Variants in USP49 observed in about 807,000 individuals in gnomAD.
The protein encoded by USP49 is ubiquitin carboxyl-terminal hydrolase 49.
A neutral mutation model predicts 58.6 loss-of-function variants in USP49; 24 were observed. That is an observed-to-expected ratio of 0.41 (90% CI 0.30 to 0.58). USP49 has a LOEUF of 0.58. USP49 is among the 20% of genes least tolerant of loss of function. The pLI is 0.30. For synonymous variants in USP49, 408 were observed against 365.1 expected (o/e 1.12, Z -1.34); for missense variants, 703 against 866.1 (o/e 0.81, Z 2.36).
At chr6:41,834,602 T>C (rs147321852) in intron 3 of USP49, among the ~76,000 whole-genome samples, 5 of 152,280 alleles carry the variant, frequency 3.3e-5, no homozygotes, top group African/African-American at 1.2e-4. Context: ...GTTCTTGTGA[T>C]AGTGTGTTCT....
chr6:41,893,341 G>A (rs1291094177), intron 1 of USP49, among the ~76,000 whole-genome samples: 2 of 152,140 alleles, frequency 1.3e-5, no homozygotes, highest in African/African-American at 4.8e-5. Context: ...CTCTCCCCCA[G>A]TAAACTTCCT....
chr6:41,893,521 C>G (rs1054804371), intron 1 of USP49, among the ~76,000 whole-genome samples: 4 of 152,166 alleles, frequency 2.6e-5, no homozygotes, highest in Admixed American at 2.0e-4. Flanking sequence ...TAAAACACAG[C>G]CCAGCACTTG....
At chr6:41,798,979 C>T (rs1443580706) in intron 6 of USP49, 50 bp from the exon 7 acceptor site, 32 of 1,587,068 alleles carry the variant, frequency 2.0e-5, no homozygotes, top group East Asian at 9.0e-5. Flanking sequence ...CATATATAAT[C>T]GTAGGTAGAG....
chr6:41,847,637 C>T (rs1324536732), intron 3 of USP49, among the ~76,000 whole-genome samples: 19 of 152,012 alleles, frequency 1.2e-4, no homozygotes, highest in Admixed American at 1.2e-3. Flanking sequence ...TCACTTGAAC[C>T]CAGGAGGCGG....
At chr6:41,854,327 A>AG (rs1378691730) in intron 3 of USP49, among the ~76,000 whole-genome samples, 4 of 151,646 alleles carry the variant, frequency 2.6e-5, no homozygotes, top group Non-Finnish European at 5.9e-5. Context: ...AAAAAAAAAA[A>AG]AAAAAAAAAG....
chr6:41,836,168 T>C (rs1168140155), intron 3 of USP49, among the ~76,000 whole-genome samples: 1 of 150,288 alleles, frequency 6.7e-6, no homozygotes, highest in Non-Finnish European at 1.5e-5. Flanking sequence ...AAGAAGGGGG[T>C]TTTTTGGCTC....
chr6:41,815,582 GTC>G (rs1250275481), intron 3 of USP49, among the ~76,000 whole-genome samples: 4 of 152,164 alleles, frequency 2.6e-5, no homozygotes, highest in African/African-American at 9.7e-5. Flanking sequence ...CAGTGCCATT[GTC>G]TCTGAATAGG....
intron 3 of USP49, among the ~76,000 whole-genome samples, chr6:41,817,191 C>G (rs1773369765): frequency 7.5e-6 from 1 of 133,498 alleles, no homozygotes; most frequent in African/African-American, 3.1e-5. Flanking sequence ...GCTCTGTCGC[C>G]AGGCTGGAGT....
chr6:41,797,922 C>T, intron 7 of USP49: 1 of 713,998 alleles, frequency 1.4e-6, no homozygotes, highest in Non-Finnish European at 1.7e-6. Flanking sequence ...GGCTAGAATG[C>T]AGTGGTGAAA....
intron 3 of USP49, among the ~76,000 whole-genome samples, chr6:41,849,712 A>G (rs889314883): frequency 1.3e-5 from 2 of 150,726 alleles, no homozygotes; most frequent in Non-Finnish European, 2.9e-5. Context: ...GGTTCAAGTG[A>G]TTCCCCTGCC....
chr6:41,873,416 G>C (rs1774450038), intron 2 of USP49, among the ~76,000 whole-genome samples: 1 of 152,210 alleles, frequency 6.6e-6, no homozygotes, highest in East Asian at 1.9e-4. Flanking sequence ...GTAGGTCCCA[G>C]GAGGCAGAAG....
chr6:41,847,364 C>T (rs1773941257), intron 3 of USP49, among the ~76,000 whole-genome samples: 1 of 152,080 alleles, frequency 6.6e-6, no homozygotes, highest in Non-Finnish European at 1.5e-5. Flanking sequence ...TTGAAAAATT[C>T]AATAACTGAA....
chr6:41,818,697 A>G lies in USP49; in HGVS notation c.-28-11686T>C, dbSNP rs28539150. ...GTCAGCTAACCCAACTTCCCTATGA[A>G]TCCCAACACATGAATGTTCCAACCA... On this transcript the variant is annotated intron_variant, in intron 3 of 7. Transcript: ENST00000682992. Among the ~76,000 whole-genome samples, 848 of 152,262 alleles carry G rather than the reference A, an allele frequency of 5.6e-3. 4 individuals carry two copies. Among genetic ancestry groups the G allele is most frequent in the Non-Finnish European group, 9.1e-3 (622 of 68,012 alleles).
chr6:41,850,195 C>CA (rs1336170731), intron 3 of USP49, among the ~76,000 whole-genome samples: 6 of 152,102 alleles, frequency 3.9e-5, no homozygotes, highest in African/African-American at 1.2e-4. Context: ...GTAATCTCAG[C>CA]ACTTTGGGAG....
Position 41,876,741 on chromosome 6 carries a change from T to C in USP49, c.-102-5104A>G, listed in dbSNP as rs543634885. On this transcript the variant is annotated intron_variant, in intron 2 of 7. Coordinates refer to ENST00000682992, the MANE Select transcript of USP49 (RefSeq NM_001286554.2). ...TCGAAGTTAAAACAGCCCAAATGCC[T>C]TGGAAGATACAAGGCAGAGGAAATT... Among the ~76,000 whole-genome samples, 15 of 152,224 alleles carry C rather than the reference T, an allele frequency of 9.9e-5. No individual in the cohort carries two copies. In the South Asian group the frequency reaches 2.7e-3, roughly 27 times the overall value.
Position 41,792,041 on chromosome 6 carries a change from G to A in USP49, c.*4492C>T, listed in dbSNP as rs535536407. The A allele has an allele frequency of 1.2e-4, 18 of 152,328 alleles. 1 individual carries two copies. The South Asian group carries it at 3.7e-3, about 32-fold the overall frequency. 9.4% of individuals were successfully genotyped at this position (152,328 alleles called of 1,614,324 possible). A position where few individuals can be genotyped will look rare whatever the true frequency, so the allele number is the denominator to read the frequency against. ...GGGAAACTTTTAAACACCATATGTT[G>A]AAGTTTCATGAGCTCAGTGGAAACC... is the stretch of plus-strand genomic sequence containing the variant. On this transcript the variant is annotated 3_prime_UTR_variant, in exon 8 of 8. Transcript: ENST00000682992.
At position 41,806,831 on chromosome 6, in the gene USP49, C is replaced by T. The variant is rs775919140; in HGVS notation, c.153G>A (p.Glu51=). ...CCTCAAAGTGTTTCAGGGCGTGGTC[C>T]TCAATATAGCGGCCGCAGGCCACGT... ...CSHVACGRYI[E]DHALKHFEET... is the part of the protein sequence containing the mutation. Residue 51 remains glutamate, a synonymous_variant, in exon 4 of 8, where the codon GAG becomes GAA. Coordinates refer to ENST00000682992, the MANE Select transcript of USP49 (RefSeq NM_001286554.2). This position sits in a 1 kb window ranked among gnomAD's most constrained non-coding sequence, Gnocchi z 5.9. The T allele has an allele frequency of 1.2e-5, 19 of 1,614,076 alleles. No individual in the cohort carries two copies. Among genetic ancestry groups the T allele is most frequent in the Non-Finnish European group, 1.4e-5 (17 of 1,180,010 alleles).
chr6:41,799,288 T>C (rs1188691462), intron 6 of USP49, among the ~76,000 whole-genome samples: 1 of 152,036 alleles, frequency 6.6e-6, no homozygotes, highest in East Asian at 1.9e-4. Context: ...GCATTTTTTG[T>C]AGAGACAGGG....
At chr6:41,831,218 C>T (rs184232429) in intron 3 of USP49, among the ~76,000 whole-genome samples, 299 of 152,144 alleles carry the variant, frequency 2.0e-3, no homozygotes, top group African/African-American at 6.7e-3. Flanking sequence ...GGTGAAACCC[C>T]GTCTCTACTA....
Sources: allele counts gnomAD v4.1 joint callset (sites outside exome capture counted in the v4.1 genomes callset), GRCh38; gene constraint gnomAD v4.1.1; non-coding constraint Gnocchi (gnomAD v3.1); transcripts MANE v1.5; gene names NCBI Gene and HGNC (gene_info 2026-07-23, HGNC 2026-07-21).